Variants in RBM27 observed in about 807,000 individuals in gnomAD.
RBM27 encodes RNA-binding protein 27.
Under a neutral mutation model 135.3 loss-of-function variants are expected in RBM27, and 22 were observed. The observed-to-expected ratio is 0.16, with a 90% CI of 0.12 to 0.23. The LOEUF is 0.23. Ranked by LOEUF, RBM27 falls within the 10% of genes least tolerant of loss-of-function variation. The pLI, the probability that RBM27 is intolerant of heterozygous loss-of-function variation, is 1.00. For missense variants in RBM27, 1,009 were observed against 1,281.0 expected, an observed-to-expected ratio of 0.79 and a Z score of 3.24; for synonymous variants, 481 against 442.4, an observed-to-expected ratio of 1.09 and a Z score of -1.10.
In RBM27 at chr5:146,249,698, A is replaced by G. The variant is rs1235804492; in HGVS notation, c.1280-2013A>G. On this transcript the variant is annotated intron_variant, in intron 8 of 20. Transcript: ENST00000265271. Reference sequence around the variant, plus strand: ...GTGAGACTCTCAAAAAAAAAAAAAAAAAAGAAAAAGTAAAAAAAAAAGAAA... The same window carrying G: ...GTGAGACTCTCAAAAAAAAAAAAAAGAAAGAAAAAGTAAAAAAAAAAGAAA... Among the ~76,000 whole-genome samples the G allele has an allele frequency of 8.2e-5, 12 of 146,514 alleles. No homozygotes were observed. In the East Asian group the frequency reaches 2.4e-3, roughly 29 times the overall value.
chr5:146,275,259 T>A (rs1022502691), intron 19 of RBM27, among the ~76,000 whole-genome samples: 6 of 151,788 alleles, frequency 4.0e-5, no homozygotes, highest in Non-Finnish European at 8.8e-5. Flanking sequence ...CTTTTTAATT[T>A]TAATTTTTTT....
chr5:146,246,027 T>C (rs1757609461), intron 8 of RBM27, among the ~76,000 whole-genome samples: 1 of 152,220 alleles, frequency 6.6e-6, no homozygotes, highest in African/African-American at 2.4e-5. Context: ...AAGAAGTACT[T>C]AAGTTTCATT....
chr5:146,269,527 T>C lies in RBM27; in HGVS notation c.2634T>C (p.Asp878=). Reference sequence around the variant, plus strand: ...GAGAGAAGATCTCACAATTAAAAGATGAATTAAAAACATCTTCTGCAGTCT... The same window carrying C: ...GAGAGAAGATCTCACAATTAAAAGACGAATTAAAAACATCTTCTGCAGTCT... ...ELGEKISQLK[D]ELKTSSAVST... Residue 878 remains aspartate, a synonymous_variant, in exon 17 of 21, where the codon GAT becomes GAC. Transcript: ENST00000265271. 6.3e-7 allele frequency: 1 copy of C among 1,582,702 alleles called. No individual in the cohort carries two copies. The highest frequency in any genetic ancestry group is 1.9e-5 in the Admixed American group (1 of 51,348).
intron 6 of RBM27, among the ~76,000 whole-genome samples, chr5:146,231,394 C>T (rs992056423): frequency 6.6e-6 from 1 of 151,994 alleles, no homozygotes. Context: ...TGTGAGCCAC[C>T]GCACCATGCC....
chr5:146,285,952 A>G lies in RBM27; in HGVS notation c.3105A>G (p.Thr1035=), dbSNP rs1479481733. 6.2e-7 allele frequency: 1 copy of G among 1,611,922 alleles called. No homozygotes were observed. Among genetic ancestry groups the G allele is most frequent in the South Asian group, 1.1e-5 (1 of 90,850 alleles). The change falls in exon 21 of 21, where the codon ACA becomes ACG. Residue 1035 remains threonine (T), a synonymous_variant. Coordinates refer to ENST00000265271, the MANE Select transcript of RBM27 (RefSeq NM_018989.2). The stretch of plus-strand genomic sequence containing the variant: ...TTTAACCTCTCTTTCTTCAGGAAAC[A>G]GAAACCTCAGATTTGTTTTTGCCTG... The part of the protein sequence containing the change: ...TEEEEVKEEE[T]ETSDLFLPDD...
At chr5:146,278,428 CCA>C (rs1309320505) in intron 19 of RBM27, among the ~76,000 whole-genome samples, 1 of 152,118 alleles carries the variant, frequency 6.6e-6, no homozygotes, top group Non-Finnish European at 1.5e-5. Flanking sequence ...CCTTCTACCT[CCA>C]GTCACTCAAT....
chr5:146,270,824 AC>A, intron 17 of RBM27, 129 bp from the exon 18 acceptor site: 1 of 555,936 alleles, frequency 1.8e-6, no homozygotes, highest in Non-Finnish European at 3.2e-6. Context: ...TTTTAAAAAC[AC>A]CCATGTTTAT....
intron 1 of RBM27, among the ~76,000 whole-genome samples, chr5:146,210,701 A>C (rs958737436): frequency 6.6e-6 from 1 of 152,118 alleles, no homozygotes; most frequent in Admixed American, 6.6e-5. Context: ...TAATCCCAGC[A>C]CTTTGGGAGG....
intron 17 of RBM27, 152 bp downstream of exon 17, chr5:146,269,736 T>C (rs1185740094): frequency 8.6e-6 from 3 of 349,182 alleles, no homozygotes; most frequent in Non-Finnish European, 1.5e-5. Context: ...ATCCTAATTA[T>C]AGTACCTTTT....
At chr5:146,229,604 A>G in intron 4 of RBM27, 113 bp from the exon 5 acceptor site, 1 of 894,456 alleles carries the variant, frequency 1.1e-6, no homozygotes, top group Non-Finnish European at 1.7e-6. Flanking sequence ...GCAACTTTCT[A>G]AAAAAGCATA....
At chr5:146,233,236 A>G (rs1487438086) in intron 6 of RBM27, among the ~76,000 whole-genome samples, 1 of 152,150 alleles carries the variant, frequency 6.6e-6, no homozygotes, top group Non-Finnish European at 1.5e-5. Flanking sequence ...TGCTTTCTCA[A>G]CAAGTCATAG....
chr5:146,233,652 G>A lies in RBM27; in HGVS notation c.1053G>A (p.Pro351=), dbSNP rs567075751. The A allele has an allele frequency of 3.1e-5, 48 of 1,556,782 alleles. No homozygotes were observed. Among genetic ancestry groups the A allele is most frequent in the East Asian group, 2.5e-4 (11 of 43,286 alleles). ...CGGGCCCAGGTCCAGGCCCAGGCCC[G>A]GGCCCAGGTCCAGGTCCTGGCCATA... is the stretch of plus-strand genomic sequence containing the variant. ...PGPGPGPGPG[P]GPGPGPGHSM... is the part of the protein sequence containing the mutation. The change falls in exon 7 of 21, where the codon CCG becomes CCA. Residue 351 remains proline (P), a synonymous_variant. Transcript: ENST00000265271.
At chr5:146,261,871 T>A in intron 13 of RBM27, 65 bp downstream of exon 13, 1 of 1,538,144 alleles carries the variant, frequency 6.5e-7, no homozygotes, top group African/African-American at 1.4e-5. Flanking sequence ...ATTTTTCAAT[T>A]CCTGGTCCTT....
chr5:146,231,296 G>A (rs751994144), intron 6 of RBM27, among the ~76,000 whole-genome samples: 2 of 152,052 alleles, frequency 1.3e-5, no homozygotes, highest in African/African-American at 2.4e-5. Flanking sequence ...GTAGAGACAG[G>A]GTTTCACCAT....
At position 146,229,033 on chromosome 5, in the gene RBM27, C is replaced by G; in HGVS notation, c.391C>G (p.Arg131Gly). Residue 131 changes from arginine to glycine, a missense_variant, in exon 4 of 21, where the codon CGA (arginine) becomes GGA (glycine). This residue lies in a region of RBM27 where 268 missense variants were observed against 326.6 expected (regional missense o/e 0.82). Transcript: ENST00000265271. ...PQKTRSESSE[R>G]RTREKKREDG... Reference sequence around the variant, plus strand: ...GAAGACTCGTTCAGAATCTAGTGAACGAAGGTTTGTGTTTATCTTTAATTA... The same window carrying G: ...GAAGACTCGTTCAGAATCTAGTGAAGGAAGGTTTGTGTTTATCTTTAATTA... 6.2e-7 allele frequency: 1 copy of G among 1,612,370 alleles called. No homozygotes were observed. Among genetic ancestry groups the G allele is most frequent in the Non-Finnish European group, 8.5e-7 (1 of 1,178,918 alleles).
intron 1 of RBM27, among the ~76,000 whole-genome samples, chr5:146,206,834 C>T (rs1755702339): frequency 6.6e-6 from 1 of 152,108 alleles, no homozygotes; most frequent in Admixed American, 6.6e-5. Flanking sequence ...CCACCCACCT[C>T]GGCCTCCCAA....
chr5:146,284,746 T>C lies in RBM27; in HGVS notation c.3099+14T>C. Reference sequence around the variant, plus strand: ...GTCAAGGAGGAGGTAAATTTAGTGGTTGGAAATAAGAGTTGAATTAGATCA... The same window carrying C: ...GTCAAGGAGGAGGTAAATTTAGTGGCTGGAAATAAGAGTTGAATTAGATCA... On this transcript the variant is annotated intron_variant, in intron 20 of 20. Coordinates refer to ENST00000265271, the MANE Select transcript of RBM27 (RefSeq NM_018989.2). The C allele has an allele frequency of 1.3e-6, 2 of 1,504,102 alleles. No individual in the cohort carries two copies. Among genetic ancestry groups the C allele is most frequent in the Non-Finnish European group, 1.8e-6 (2 of 1,085,550 alleles). 93.2% of individuals were successfully genotyped at this position (1,504,102 alleles called of 1,614,324 possible).
chr5:146,254,019 TGAA>T (rs760362313), intron 9 of RBM27, among the ~76,000 whole-genome samples: 35 of 152,194 alleles, frequency 2.3e-4, no homozygotes, highest in Admixed American at 1.1e-3. Context: ...CACTCTAGTT[TGAA>T]GAAGTGTACA....
chr5:146,213,448 T>G, intron 1 of RBM27, among the ~76,000 whole-genome samples: 1 of 145,446 alleles, frequency 6.9e-6, no homozygotes, highest in African/African-American at 2.6e-5. Context: ...GATCAGGAGA[T>G]TTTTTTTTTT....
Sources: allele counts gnomAD v4.1 joint callset (sites outside exome capture counted in the v4.1 genomes callset), GRCh38; gene constraint gnomAD v4.1.1; regional missense constraint gnomAD v4.1.1; transcripts MANE v1.5; gene names NCBI Gene and HGNC (gene_info 2026-07-23, HGNC 2026-07-21).